The following AP1S3 variants were observed in gnomAD, a reference collection of about 807,000 sequenced individuals.
AP1S3 encodes the protein adaptor related protein complex 1 subunit sigma 3.
A neutral mutation model predicts 20.9 loss-of-function variants in AP1S3; 10 were observed. The ratio of observed to expected loss-of-function variants is 0.48; its 90% confidence interval spans 0.29 to 0.81. The LOEUF is 0.81. Among genes scored for constraint, AP1S3 ranks in the 30% least tolerant of loss-of-function variants. The pLI, the probability that AP1S3 is intolerant of heterozygous loss-of-function variation, is 0.08. For synonymous variants in AP1S3, 41 were observed against 61.5 expected (o/e 0.67, Z 1.56); for missense variants, 154 against 183.8 (o/e 0.84, Z 0.94).
intron 1 of AP1S3, among the ~76,000 whole-genome samples, chr2:223,798,686 A>AT (rs1481309954): frequency 6.6e-6 from 1 of 152,240 alleles, no homozygotes; most frequent in African/African-American, 2.4e-5. Flanking sequence ...AAAGGACAGA[A>AT]TAATCCACTT....
intron 3 of AP1S3, among the ~76,000 whole-genome samples, chr2:223,769,683 T>G (rs1163353967): frequency 6.6e-6 from 1 of 151,726 alleles, no homozygotes; most frequent in Non-Finnish European, 1.5e-5. Flanking sequence ...TAAGATAGAC[T>G]TGTAAGGAGG....
At chr2:223,835,951 G>A (rs1346121540) in intron 1 of AP1S3, among the ~76,000 whole-genome samples, 1 of 152,182 alleles carries the variant, frequency 6.6e-6, no homozygotes, top group Non-Finnish European at 1.5e-5. Flanking sequence ...TGGGAAACTT[G>A]AGCAAGCCAA....
At chr2:223,774,430 A>T (rs1690712976) in intron 3 of AP1S3, among the ~76,000 whole-genome samples, 1 of 151,986 alleles carries the variant, frequency 6.6e-6, no homozygotes, top group African/African-American at 2.4e-5. Context: ...TGTATCAAGG[A>T]TGGAGGAGTG....
At chr2:223,779,174 A>T (rs1690862313) in intron 1 of AP1S3, among the ~76,000 whole-genome samples, 2 of 152,238 alleles carry the variant, frequency 1.3e-5, no homozygotes, top group Admixed American at 1.3e-4. Flanking sequence ...TGAAATGTGT[A>T]TTTGAAATAA....
At chr2:223,759,486 T>A (rs904883556) in intron 4 of AP1S3, among the ~76,000 whole-genome samples, 2 of 152,212 alleles carry the variant, frequency 1.3e-5, no homozygotes, top group Admixed American at 1.3e-4. Flanking sequence ...TTATACATAT[T>A]GTCAAGACAA....
chr2:223,780,345 AGAGAGAGAGAGAGTGTGTGTGTGT>A (rs1690909104), intron 1 of AP1S3, among the ~76,000 whole-genome samples: 1 of 105,786 alleles, frequency 9.5e-6, no homozygotes, highest in Non-Finnish European at 1.9e-5. Flanking sequence ...AGAGAGAGAG[AGAGAGAGAGAGAGTGTGTGTGTGT>A]GTGTGTGTGT....
Position 223,756,717 on chromosome 2 carries a change from C to T in AP1S3, c.*1998G>A. 1.0e-6 allele frequency: 1 copy of T among 985,304 alleles called. No individual in the cohort carries two copies. The highest frequency in any genetic ancestry group is 1.2e-6 in the Non-Finnish European group (1 of 829,904). 61.0% of individuals were successfully genotyped at this position (985,304 alleles called of 1,614,324 possible). A position where few individuals can be genotyped will look rare whatever the true frequency, so the allele number is the denominator to read the frequency against. ...TATATTGAGGAATTGGTGAATTTTT[C>T]CCTTTGTTCTCCTGCTTGCTTTGCT... On this transcript the variant is annotated 3_prime_UTR_variant, in exon 5 of 5. Coordinates refer to ENST00000396654, the MANE Select transcript of AP1S3 (RefSeq NM_001039569.2).
In AP1S3 at chr2:223,828,058, T is replaced by TAA. The variant is rs527671959; in HGVS notation, c.3+9388_3+9389dup. Among the ~76,000 whole-genome samples the TAA allele has an allele frequency of 2.5e-3, 238 of 94,202 alleles. 1 individual carries two copies. The highest frequency in any genetic ancestry group is 3.7e-3 in the African/African-American group (94 of 25,296). 61.8% of individuals were successfully genotyped at this position (94,202 alleles called of 152,430 possible). On this transcript the variant is annotated intron_variant, in intron 1 of 4. Coordinates refer to ENST00000396654, the MANE Select transcript of AP1S3 (RefSeq NM_001039569.2). Reference sequence around the variant, plus strand: ...TGGGGTACAAGAGCAAGACTTCATCTAAAAAAAAAAAAAAAAAAAAAAAAA... The same window carrying TAA: ...TGGGGTACAAGAGCAAGACTTCATCTAAAAAAAAAAAAAAAAAAAAAAAAAAA...
intron 3 of AP1S3, among the ~76,000 whole-genome samples, chr2:223,771,245 G>C (rs75514824): frequency 0.26 from 39,568 of 151,742 alleles, 8,335 homozygotes; most frequent in East Asian, 0.58. Context: ...GCTGAGGCAG[G>C]AGAATCGTTT....
At chr2:223,788,877 G>A (rs1356520116) in intron 1 of AP1S3, among the ~76,000 whole-genome samples, 9 of 151,936 alleles carry the variant, frequency 5.9e-5, no homozygotes, top group Admixed American at 5.9e-4. Flanking sequence ...TAAGGTTTCT[G>A]AACTTCCATC....
Position 223,755,715 on chromosome 2 carries a change from G to C in AP1S3, c.*3000C>G. ...TTGGCTAATTTTTGAATTTTTAGTA[G>C]AGACAGGGTTTCACCATGTTGGCCA... is the stretch of plus-strand genomic sequence containing the variant. On this transcript the variant is annotated 3_prime_UTR_variant, in exon 5 of 5. Coordinates refer to ENST00000396654, the MANE Select transcript of AP1S3 (RefSeq NM_001039569.2). 1 of 404,342 alleles carries C rather than the reference G, an allele frequency of 2.5e-6. No homozygotes were observed. 25.0% of individuals were successfully genotyped at this position (404,342 alleles called of 1,614,324 possible). A position where few individuals can be genotyped will look rare whatever the true frequency, so the allele number is the denominator to read the frequency against.
At chr2:223,765,837 G>A (rs6724127) in intron 3 of AP1S3, among the ~76,000 whole-genome samples, 9,964 of 152,102 alleles carry the variant, frequency 0.066, 468 homozygotes, top group East Asian at 0.17. Flanking sequence ...CATTCCAAAG[G>A]CTCATTAAAA....
intron 3 of AP1S3, chr2:223,770,113 T>C (rs1690579459): frequency 1.3e-6 from 2 of 1,501,782 alleles, no homozygotes; most frequent in African/African-American, 1.4e-5. Context: ...TTTGCAGTTT[T>C]AAACAATAGA....
Position 223,779,376 on chromosome 2 carries a change from T to C in AP1S3, c.4-1507A>G, listed in dbSNP as rs76933460. ...CTCGGCAACATAGTGAGACCCCATC[T>C]CTAAATTTTTAAAGGCTCTGTTAGA... On this transcript the variant is annotated intron_variant, in intron 1 of 4. Coordinates refer to ENST00000396654, the MANE Select transcript of AP1S3 (RefSeq NM_001039569.2). Among the ~76,000 whole-genome samples, 854 of 152,196 alleles carry C rather than the reference T, an allele frequency of 5.6e-3. 4 individuals are homozygous for C. The highest frequency in any genetic ancestry group is 0.024 in the Middle Eastern group (7 of 294).
At chr2:223,830,342 G>A (rs1692229802) in intron 1 of AP1S3, among the ~76,000 whole-genome samples, 1 of 151,836 alleles carries the variant, frequency 6.6e-6, no homozygotes. Context: ...AGCCGGGCGT[G>A]TTGGCATGCA....
In AP1S3 at chr2:223,756,310, C is replaced by A. The variant is rs184890193; in HGVS notation, c.*2405G>T. Among the ~76,000 whole-genome samples the A allele has an allele frequency of 1.4e-5, 2 of 144,930 alleles. No individual in the cohort carries two copies. The highest frequency in any genetic ancestry group is 5.0e-5 in the African/African-American group (2 of 39,772). On this transcript the variant is annotated 3_prime_UTR_variant, in exon 5 of 5. Coordinates refer to ENST00000396654, the MANE Select transcript of AP1S3 (RefSeq NM_001039569.2). ...TGAGATCACACCATTGCACTCTGGC[C>A]TGGGTGACAAGAAGCGAGGAAAGAA...
chr2:223,812,975 C>T (rs950338253), intron 1 of AP1S3, among the ~76,000 whole-genome samples: 3 of 151,824 alleles, frequency 2.0e-5, no homozygotes, highest in African/African-American at 7.3e-5. Flanking sequence ...GTCGCCCAGG[C>T]TGGAGTGAGG....
At chr2:223,785,093 C>A (rs1691042375) in intron 1 of AP1S3, among the ~76,000 whole-genome samples, 1 of 152,126 alleles carries the variant, frequency 6.6e-6, no homozygotes, top group Non-Finnish European at 1.5e-5. Flanking sequence ...GTAATGCCAG[C>A]ACTTTGGGAG....
chr2:223,812,381 C>A (rs957210941), intron 1 of AP1S3, among the ~76,000 whole-genome samples: 1 of 152,182 alleles, frequency 6.6e-6, no homozygotes, highest in African/African-American at 2.4e-5. Context: ...GCCACCACGC[C>A]TGGCTAATTT....
Sources: gnomAD v4.1 joint callset for allele counts (sites outside exome capture counted in the v4.1 genomes callset) on GRCh38, gnomAD v4.1.1 for gene constraint, MANE v1.5 for transcripts, NCBI Gene and HGNC (gene_info 2026-07-23, HGNC 2026-07-21) for gene names.